SKI: variants seen among roughly 807,000 people sequenced by gnomAD.
SKI encodes the protein ski oncogene.
In SKI, 23 loss-of-function variants were observed where a neutral mutation model predicts 59.3. That is an observed-to-expected ratio of 0.39 (90% CI 0.28 to 0.55). The LOEUF (loss-of-function observed/expected upper bound fraction) is 0.55, where lower values mean the gene tolerates loss of function less well. Among genes scored for constraint, SKI ranks in the 20% least tolerant of loss-of-function variants. SKI has a pLI of 0.67. For synonymous variants in SKI, 673 were observed against 488.6 expected (o/e 1.38, Z -4.98); for missense variants, 1,017 against 1,038.9 (o/e 0.98, Z 0.29).
intron 1 of SKI, among the ~76,000 whole-genome samples, chr1:2,284,822 C>T (rs567086061): frequency 4.6e-5 from 7 of 152,282 alleles, no homozygotes; most frequent in Middle Eastern, 3.4e-3. Context: ...GTGCTGGGGG[C>T]CCCGGTGGCT....
At chr1:2,296,607 T>C (rs1301255007) in intron 1 of SKI, among the ~76,000 whole-genome samples, 1 of 152,196 alleles carries the variant, frequency 6.6e-6, no homozygotes, top group Non-Finnish European at 1.5e-5. Flanking sequence ...TGCAGAGTTC[T>C]TCATGTGTTC....
intron 1 of SKI, among the ~76,000 whole-genome samples, chr1:2,297,551 C>T (rs982383081): frequency 2.0e-5 from 3 of 152,252 alleles, no homozygotes; most frequent in Non-Finnish European, 2.9e-5. Context: ...TGGACTGTGG[C>T]TGGCAGCTTC....
chr1:2,286,513 G>A (rs1367960434), intron 1 of SKI, among the ~76,000 whole-genome samples: 2 of 152,164 alleles, frequency 1.3e-5, no homozygotes, highest in African/African-American at 2.4e-5. Flanking sequence ...ATCATAAAAT[G>A]CAAATGTAAG....
At chr1:2,278,475 CCA>C (rs970410796) in intron 1 of SKI, among the ~76,000 whole-genome samples, 4 of 152,216 alleles carry the variant, frequency 2.6e-5, no homozygotes, top group African/African-American at 7.2e-5. Context: ...CCTTCACCCT[CCA>C]CAGTCAGGGA....
intron 1 of SKI, among the ~76,000 whole-genome samples, chr1:2,292,367 T>C (rs1484091816): frequency 6.6e-6 from 1 of 152,148 alleles, no homozygotes; most frequent in African/African-American, 2.4e-5. Context: ...GTGACCGCAG[T>C]GGGCTGCCCT....
intron 1 of SKI, among the ~76,000 whole-genome samples, chr1:2,273,107 G>T (rs1014774883): frequency 1.3e-5 from 2 of 152,240 alleles, no homozygotes; most frequent in Non-Finnish European, 2.9e-5. Context: ...AGGCCATTTG[G>T]CCCTTCATCT....
In SKI at chr1:2,306,770, C is replaced by G. The variant is rs1557855061; in HGVS notation, c.*5C>G. ...GCTGCGGAGCTGGAGCCGTAGATTC[C>G]GTGCCTGCCGCCGCAGCGCCGCCGA... On this transcript the variant is annotated 3_prime_UTR_variant, in exon 7 of 7. Coordinates refer to ENST00000378536, the MANE Select transcript of SKI (RefSeq NM_003036.4). 2.0e-6 allele frequency: 3 copies of G among 1,501,982 alleles called. No homozygotes were observed. Among genetic ancestry groups the G allele is most frequent in the African/African-American group, 1.5e-5 (1 of 68,836 alleles). 93.0% of individuals were successfully genotyped at this position (1,501,982 alleles called of 1,614,324 possible).
At chr1:2,283,727 C>G (rs376039595) in intron 1 of SKI, among the ~76,000 whole-genome samples, 1 of 152,182 alleles carries the variant, frequency 6.6e-6, no homozygotes, top group Non-Finnish European at 1.5e-5. Flanking sequence ...GCCCATGGCC[C>G]GGAAGTCCAG....
chr1:2,286,898 C>T (rs1274722540), intron 1 of SKI, among the ~76,000 whole-genome samples: 2 of 152,216 alleles, frequency 1.3e-5, no homozygotes, highest in South Asian at 2.1e-4. Context: ...TCTGTGGTCA[C>T]GGAGAACTTT....
At chr1:2,274,388 C>G (rs1639697038) in intron 1 of SKI, among the ~76,000 whole-genome samples, 1 of 152,148 alleles carries the variant, frequency 6.6e-6, no homozygotes, top group Non-Finnish European at 1.5e-5. Flanking sequence ...CAGGTCACGA[C>G]CACCCATGAC....
chr1:2,291,828 A>G (rs1164099238), intron 1 of SKI, among the ~76,000 whole-genome samples: 1 of 152,266 alleles, frequency 6.6e-6, no homozygotes, highest in Non-Finnish European at 1.5e-5. Context: ...CTAAAGTAAC[A>G]GCAAAGATGA....
chr1:2,235,378 G>T (rs372515967), intron 1 of SKI, among the ~76,000 whole-genome samples: 1 of 152,190 alleles, frequency 6.6e-6, no homozygotes, highest in Non-Finnish European at 1.5e-5. Flanking sequence ...GGCATCCCCG[G>T]GGTCTGCGGG....
At chr1:2,280,275 G>A (rs959771750) in intron 1 of SKI, among the ~76,000 whole-genome samples, 1 of 151,918 alleles carries the variant, frequency 6.6e-6, no homozygotes. Context: ...ACTTGGGAGG[G>A]CGAGGCAGGA....
At chr1:2,239,364 A>AC (rs1638815955) in intron 1 of SKI, among the ~76,000 whole-genome samples, 1 of 151,716 alleles carries the variant, frequency 6.6e-6, no homozygotes, top group African/African-American at 2.4e-5. Flanking sequence ...AACAAGGTAA[A>AC]CCCCCTGGGT....
chr1:2,272,252 A>G (rs1639639153), intron 1 of SKI, among the ~76,000 whole-genome samples: 1 of 152,252 alleles, frequency 6.6e-6, no homozygotes, highest in African/African-American at 2.4e-5. Context: ...GTCTGAGCCT[A>G]GCTACCAAGC....
At chr1:2,282,567 C>T (rs1012333455) in intron 1 of SKI, among the ~76,000 whole-genome samples, 3 of 152,082 alleles carry the variant, frequency 2.0e-5, no homozygotes, top group Non-Finnish European at 4.4e-5. Context: ...CCATAGTGGG[C>T]GGGTGGGCAG....
rs932479759 is a variant in SKI at position 2,270,844 on chromosome 1, C to T, written c.970-32134C>T. ...TCTCCAGAGGACCAGCATGGAGGTG[C>T]ACAAGTTCACATTTGTCCCTCTCCT... On this transcript the variant is annotated intron_variant, in intron 1 of 6. Coordinates refer to ENST00000378536, the MANE Select transcript of SKI (RefSeq NM_003036.4). The surrounding 1 kb of genome is among the most constrained non-coding windows in gnomAD (Gnocchi z 4.1). 6.6e-6 allele frequency among the ~76,000 whole-genome samples: 1 copy of T among 152,188 alleles called. No homozygotes were observed. Among genetic ancestry groups the T allele is most frequent in the Non-Finnish European group, 1.5e-5 (1 of 68,022 alleles).
chr1:2,303,497 C>A lies in SKI; in HGVS notation c.1211+97C>A. ...CCCATGTTTCTGCAGGCTGGGTGCC[C>A]AGACCTGCCGCCTTTTGGTCAGGGC... On this transcript the variant is annotated intron_variant, in intron 3 of 6. Transcript: ENST00000378536. The surrounding 1 kb of genome is among the most constrained non-coding windows in gnomAD (Gnocchi z 5.6). 1 of 1,125,042 alleles carries A rather than the reference C, an allele frequency of 8.9e-7. No individual in the cohort carries two copies. The highest frequency in any genetic ancestry group is 1.3e-6 in the Non-Finnish European group (1 of 764,296). The allele number at this position is 1,125,042 out of a possible 1,614,324, so 69.7% of individuals were successfully genotyped here. A position where few individuals can be genotyped will look rare whatever the true frequency, so the allele number is the denominator to read the frequency against.
chr1:2,292,494 A>G (rs1640182748), intron 1 of SKI, among the ~76,000 whole-genome samples: 2 of 151,882 alleles, frequency 1.3e-5, no homozygotes, highest in Non-Finnish European at 2.9e-5. Flanking sequence ...CCAGGTGGAG[A>G]CCCCACCTCG....
Sources: gnomAD v4.1 joint callset for allele counts (sites outside exome capture counted in the v4.1 genomes callset) on GRCh38, gnomAD v4.1.1 for gene constraint, Gnocchi (gnomAD v3.1) non-coding constraint, MANE v1.5 for transcripts, NCBI Gene and HGNC (gene_info 2026-07-23, HGNC 2026-07-21) for gene names.